Variants in CEP350 observed in about 807,000 individuals in gnomAD.
CEP350 encodes centrosomal protein 350, also known as centrosome-associated protein 350.
In CEP350, 126 loss-of-function variants were observed where a neutral mutation model predicts 331.8. The observed-to-expected ratio is 0.38, with a 90% CI of 0.33 to 0.44. The LOEUF is 0.44. CEP350 is among the 20% of genes least tolerant of loss of function. The pLI is 1.00. For missense variants in CEP350, 3,406 were observed against 3,634.6 expected, an observed-to-expected ratio of 0.94 and a Z score of 1.62; for synonymous variants, 1,200 against 1,259.5, an observed-to-expected ratio of 0.95 and a Z score of 1.00.
chr1:179,974,784 G>A (rs1160204343), intron 1 of CEP350, among the ~76,000 whole-genome samples: 2 of 152,180 alleles, frequency 1.3e-5, no homozygotes, highest in Non-Finnish European at 2.9e-5. Context: ...TTGAGGCCAG[G>A]ATTTGAAGAA....
chr1:180,052,613 A>T lies in CEP350; in HGVS notation c.4793-357A>T, dbSNP rs375021145. ...TACTTCATTTCTTTGATTGATAGTA[A>T]TGTTAAACATTTTTTTCACTTTTAC... On this transcript the variant is annotated intron_variant, in intron 22 of 37. Transcript: ENST00000367607. Among the ~76,000 whole-genome samples the T allele has an allele frequency of 2.7e-3, 408 of 152,262 alleles. 2 individuals are homozygous for T. Among genetic ancestry groups the T allele is most frequent in the African/African-American group, 9.4e-3 (390 of 41,550 alleles).
chr1:180,038,873 A>T (rs1656552445), intron 17 of CEP350, among the ~76,000 whole-genome samples: 1 of 152,126 alleles, frequency 6.6e-6, no homozygotes, highest in Admixed American at 6.5e-5. Context: ...ATTTTGATGA[A>T]ATCCAGTTTT....
chr1:179,954,966 C>A lies in CEP350; in HGVS notation c.-190C>A. On this transcript the variant is annotated 5_prime_UTR_variant, in exon 1 of 38. Transcript: ENST00000367607. ...GGAGGCAGCCTTTCCGCCTTGTCTT[C>A]CTTCCCAGCGGACCGGCGGATCCCC... The A allele has an allele frequency of 8.5e-7, 1 of 1,174,038 alleles. No individual in the cohort carries two copies. The highest frequency in any genetic ancestry group is 1.1e-6 in the Non-Finnish European group (1 of 906,174). 72.7% of individuals were successfully genotyped at this position (1,174,038 alleles called of 1,614,324 possible).
Position 180,093,177 on chromosome 1 carries a change from G to A in CEP350, c.7072G>A (p.Glu2358Lys), listed in dbSNP as rs1234281582. 3.8e-6 allele frequency: 6 copies of A among 1,598,588 alleles called. No individual in the cohort carries two copies. The highest frequency in any genetic ancestry group is 5.1e-6 in the Non-Finnish European group (6 of 1,171,670). The change falls in exon 34 of 38, where the codon GAA becomes AAA. Residue 2358 changes from glutamate to lysine, a missense_variant. Physicochemically the swap from Glu to Lys is moderately conservative, Grantham distance 56. Coordinates refer to ENST00000367607, the MANE Select transcript of CEP350 (RefSeq NM_014810.5). ...KDIHEQKNTK[E>K]KDLSWSEHLF... Reference sequence around the variant, plus strand: ...CATTCACGAACAAAAGAACACAAAGGAAAAAGATTTGTCTTGGTCAGAACA... The same window carrying A: ...CATTCACGAACAAAAGAACACAAAGAAAAAAGATTTGTCTTGGTCAGAACA...
Position 180,013,967 on chromosome 1 carries a change from C to T in CEP350, c.1514C>T (p.Ala505Val), listed in dbSNP as rs910943293. 6 of 1,613,500 alleles carry T rather than the reference C, an allele frequency of 3.7e-6. No individual in the cohort carries two copies. In the African/African-American group the frequency reaches 5.3e-5, roughly 14 times the overall value. ...SRSENNIKKL[A>V]SSLPDNKQEE... Reference sequence around the variant, plus strand: ...TCTGAAAATAATATAAAGAAACTAGCTTCATCTCTTCCAGATAATAAGCAG... The same window carrying T: ...TCTGAAAATAATATAAAGAAACTAGTTTCATCTCTTCCAGATAATAAGCAG... The change falls in exon 10 of 38, where the codon GCT becomes GTT. Residue 505 changes from alanine (A) to valine (V), a missense_variant. Physicochemically the swap from Ala to Val is moderately conservative, Grantham distance 64. Coordinates refer to ENST00000367607, the MANE Select transcript of CEP350 (RefSeq NM_014810.5).
At chr1:180,058,644 G>A (rs1470531365) in intron 25 of CEP350, among the ~76,000 whole-genome samples, 1 of 152,102 alleles carries the variant, frequency 6.6e-6, no homozygotes, top group African/African-American at 2.4e-5. Context: ...AAACAAATGT[G>A]CAAACTGTTA....
chr1:179,962,648 T>C (rs1033571235), intron 1 of CEP350, among the ~76,000 whole-genome samples: 11 of 152,194 alleles, frequency 7.2e-5, no homozygotes, highest in African/African-American at 2.7e-4. Context: ...GACCTCATGA[T>C]CTGCCCACCT....
chr1:180,055,729 G>A (rs1352642196), intron 25 of CEP350, among the ~76,000 whole-genome samples: 1 of 151,666 alleles, frequency 6.6e-6, no homozygotes, highest in Non-Finnish European at 1.5e-5. Context: ...TGTATTTTTA[G>A]TAGAGACGGG....
At chr1:180,035,878 G>A (rs1252474805) in intron 16 of CEP350, among the ~76,000 whole-genome samples, 4 of 152,166 alleles carry the variant, frequency 2.6e-5, no homozygotes, top group African/African-American at 9.7e-5. Context: ...TTTAAGAAAT[G>A]CATTGTGTAA....
intron 37 of CEP350, among the ~76,000 whole-genome samples, chr1:180,110,676 A>G (rs146949460): frequency 3.3e-5 from 5 of 152,260 alleles, no homozygotes; most frequent in African/African-American, 1.2e-4. Context: ...TAAATTCCTT[A>G]TTCTCTTATG....
chr1:180,021,041 G>A, intron 12 of CEP350, 32 bp downstream of exon 12: 1 of 1,432,058 alleles, frequency 7.0e-7, no homozygotes. Flanking sequence ...TGTACTGTTT[G>A]TATATTAAGA....
intron 15 of CEP350, among the ~76,000 whole-genome samples, chr1:180,032,217 G>A (rs1656073263): frequency 6.6e-6 from 1 of 152,006 alleles, no homozygotes; most frequent in African/African-American, 2.4e-5. Flanking sequence ...CACTGGTTTT[G>A]TCTTGGAAAT....
At chr1:180,097,014 G>A (rs1451350001) in intron 36 of CEP350, among the ~76,000 whole-genome samples, 3 of 150,060 alleles carry the variant, frequency 2.0e-5, no homozygotes, top group Non-Finnish European at 4.4e-5. Context: ...CCAGGACCAC[G>A]CTGAGTAGCA....
chr1:180,042,983 C>A, intron 19 of CEP350, 73 bp from the exon 20 acceptor site: 1 of 1,491,844 alleles, frequency 6.7e-7, no homozygotes, highest in Admixed American at 2.0e-5. Flanking sequence ...CTTTCCAAGA[C>A]ACTATGCTCC....
chr1:179,960,439 G>C (rs879330367), intron 1 of CEP350, among the ~76,000 whole-genome samples: 2 of 152,162 alleles, frequency 1.3e-5, no homozygotes, highest in Admixed American at 1.3e-4. Flanking sequence ...GTACTGTGGA[G>C]CACCATAGTA....
chr1:180,084,212 G>C (rs777621532), intron 31 of CEP350, 34 bp downstream of exon 31: 3 of 1,531,712 alleles, frequency 2.0e-6, no homozygotes, highest in African/African-American at 2.8e-5. Context: ...TTAGTATCAA[G>C]GCTAATGTGT....
In CEP350 at chr1:179,996,872, T is replaced by G; in HGVS notation, c.715T>G (p.Ser239Ala). ...AGGAAGTGAGAATAATTTGAAGCTT[T>G]CTGTGAATAACATGGCCCATGATAC... ...TKGSENNLKLSVNNMAHDTDP... is the reference protein window; with the variant it reads ...TKGSENNLKLAVNNMAHDTDP... The change falls in exon 6 of 38, where the codon TCT becomes GCT. Residue 239 changes from serine (S) to alanine (A), a missense_variant. Coordinates refer to ENST00000367607, the MANE Select transcript of CEP350 (RefSeq NM_014810.5). 1 of 1,613,992 alleles carries G rather than the reference T, an allele frequency of 6.2e-7. No homozygotes were observed. The highest frequency in any genetic ancestry group is 8.5e-7 in the Non-Finnish European group (1 of 1,179,858).
In CEP350 at chr1:179,990,636, A is replaced by G; in HGVS notation, c.235+15A>G. 7.4e-7 allele frequency: 1 copy of G among 1,344,530 alleles called. No individual in the cohort carries two copies. Among genetic ancestry groups the G allele is most frequent in the Non-Finnish European group, 1.0e-6 (1 of 961,526 alleles). 83.3% of individuals were successfully genotyped at this position (1,344,530 alleles called of 1,614,324 possible). On this transcript the variant is annotated intron_variant, in intron 4 of 37. Coordinates refer to ENST00000367607, the MANE Select transcript of CEP350 (RefSeq NM_014810.5). ...AAGTAGAAAAGGTATGTATGAAGTT[A>G]CTTCCAAATATATACATATATTAAA...
intron 26 of CEP350, among the ~76,000 whole-genome samples, chr1:180,062,743 G>A (rs1214044175): frequency 1.3e-5 from 2 of 152,058 alleles, no homozygotes; most frequent in East Asian, 3.9e-4. Flanking sequence ...CTCTTATTAA[G>A]CCACTAAAGT....
Sources: allele counts gnomAD v4.1 joint callset (sites outside exome capture counted in the v4.1 genomes callset), GRCh38; gene constraint gnomAD v4.1.1; transcripts MANE v1.5; gene names NCBI Gene and HGNC (gene_info 2026-07-23, HGNC 2026-07-21).